Variants in MACF1 observed in about 807,000 individuals in gnomAD.
MACF1 encodes microtubule-actin cross-linking factor 1.
MACF1 carries 193 observed loss-of-function variants against 854.8 expected under a neutral mutation model. The observed-to-expected ratio is 0.23, with a 90% CI of 0.20 to 0.25. The LOEUF is 0.25. MACF1 is among the 10% of genes least tolerant of loss of function. The pLI, the probability that MACF1 is intolerant of heterozygous loss-of-function variation, is 1.00. For synonymous variants in MACF1, 3,185 were observed against 3,226.7 expected (o/e 0.99, Z 0.44); for missense variants, 7,722 against 8,929.1 (o/e 0.86, Z 5.45).
At chr1:39,382,218 A>T (rs932079376) in intron 56 of MACF1, 66 bp downstream of exon 56, 1 of 1,439,816 alleles carries the variant, frequency 6.9e-7, no homozygotes, top group African/African-American at 1.4e-5. Context: ...TCTCCCAGTA[A>T]GTAGATTTCA....
intron 58 of MACF1, chr1:39,414,222 T>C: frequency 1.2e-6 from 2 of 1,613,908 alleles, no homozygotes; most frequent in Non-Finnish European, 1.7e-6. Context: ...CAGAGGTGCC[T>C]GCCATCCCAG....
intron 2 of MACF1, among the ~76,000 whole-genome samples, chr1:39,097,141 T>A (rs902344225): frequency 6.6e-6 from 1 of 151,908 alleles, no homozygotes; most frequent in Admixed American, 6.6e-5. Flanking sequence ...CTTCCCAAAG[T>A]GCTGGGATTA....
chr1:39,214,811 C>T (rs1298820307), intron 1 of MACF1, among the ~76,000 whole-genome samples: 1 of 152,164 alleles, frequency 6.6e-6, no homozygotes, highest in Admixed American at 6.5e-5. Context: ...GAGACCTTCT[C>T]ATTTGGTTAA....
intron 1 of MACF1, among the ~76,000 whole-genome samples, chr1:39,208,650 A>G (rs1409934352): frequency 6.6e-6 from 1 of 151,852 alleles, no homozygotes; most frequent in African/African-American, 2.4e-5. Context: ...TTTGAGACAG[A>G]GTCTTGCCCT....
chr1:39,125,121 CAA>C (rs1177298273), intron 2 of MACF1, among the ~76,000 whole-genome samples: 2 of 151,676 alleles, frequency 1.3e-5, no homozygotes, highest in Admixed American at 6.6e-5. Flanking sequence ...CAAAAAAAGA[CAA>C]AAAATGAAAA....
intron 2 of MACF1, among the ~76,000 whole-genome samples, chr1:39,173,112 C>T (rs775488160): frequency 3.9e-5 from 6 of 152,028 alleles, no homozygotes; most frequent in African/African-American, 9.7e-5. Context: ...GAGGCCGAAG[C>T]GGGTGGATCA....
chr1:39,217,422 G>A (rs181203299), intron 1 of MACF1, among the ~76,000 whole-genome samples: 44 of 151,978 alleles, frequency 2.9e-4, no homozygotes, highest in South Asian at 2.1e-4. Context: ...TTACAGGCAC[G>A]CATCACCACA....
At chr1:39,381,398 T>C (rs866014920) in intron 55 of MACF1, among the ~76,000 whole-genome samples, 1 of 145,962 alleles carries the variant, frequency 6.9e-6, no homozygotes, top group African/African-American at 2.5e-5. Flanking sequence ...GACAGGGTCT[T>C]GCTCTGTCAC....
chr1:39,421,502 T>A (rs368926710), intron 58 of MACF1, among the ~76,000 whole-genome samples: 3 of 152,194 alleles, frequency 2.0e-5, no homozygotes, highest in East Asian at 3.9e-4. Flanking sequence ...TGGCTCTTGA[T>A]CAGAATGAAG....
At chr1:39,468,425 G>T (rs1204908604) in intron 95 of MACF1, among the ~76,000 whole-genome samples, 190 bp from the exon 96 acceptor site, 1 of 152,164 alleles carries the variant, frequency 6.6e-6, no homozygotes, top group Non-Finnish European at 1.5e-5. Flanking sequence ...CCAGTCTTTA[G>T]CTTGATATTT....
intron 91 of MACF1, chr1:39,459,766 C>G (rs1449875853): frequency 8.0e-7 from 1 of 1,255,080 alleles, no homozygotes; most frequent in Non-Finnish European, 1.1e-6. Flanking sequence ...TTCCTAGTTT[C>G]TAAAACAAGC....
intron 2 of MACF1, among the ~76,000 whole-genome samples, chr1:39,173,753 G>T (rs1206376626): frequency 3.9e-5 from 6 of 152,080 alleles, no homozygotes; most frequent in Non-Finnish European, 7.4e-5. Flanking sequence ...TTACTGAGTG[G>T]GATACAAGAG....
chr1:39,425,751 G>A (rs1247366361), intron 61 of MACF1, among the ~76,000 whole-genome samples: 3 of 151,974 alleles, frequency 2.0e-5, no homozygotes, highest in African/African-American at 7.3e-5. Context: ...CTCAATCATG[G>A]AATAATTTTT....
intron 30 of MACF1, 120 bp downstream of exon 30, chr1:39,318,735 T>C: frequency 8.9e-7 from 1 of 1,128,548 alleles, no homozygotes; most frequent in East Asian, 2.6e-5. Context: ...AAATTCCCTT[T>C]TCTTTGAGTG....
In MACF1 at chr1:39,268,968, G is replaced by T. The variant is rs768611605; in HGVS notation, c.528+10940G>T. ...TACCCCCCCAGATATTTTGCTGCCTGGGGACTCAGCCCCCAACTCACGGGT... is the reference window on the plus strand; with the variant it reads ...TACCCCCCCAGATATTTTGCTGCCTTGGGACTCAGCCCCCAACTCACGGGT... On this transcript the variant is annotated intron_variant, in intron 6 of 100. Transcript: ENST00000564288. The T allele has an allele frequency of 3.1e-6, 4 of 1,286,596 alleles. No homozygotes were observed. The South Asian group carries it at 5.0e-5, about 16-fold the overall frequency. 79.7% of individuals were successfully genotyped at this position (1,286,596 alleles called of 1,614,324 possible).
intron 44 of MACF1, among the ~76,000 whole-genome samples, chr1:39,354,407 T>C (rs951084830): frequency 1.3e-5 from 2 of 152,078 alleles, no homozygotes; most frequent in East Asian, 1.9e-4. Flanking sequence ...TTTATTTATT[T>C]ATTTATTTAT....
rs1042121811 is a variant in MACF1 at position 39,442,699 on chromosome 1, T to C, written c.19105-15T>C. ...ATATCCATAGAGATAAATTATGTTG[T>C]TCAACATGTTTTAGGTCCTAAAAAA... is the stretch of plus-strand genomic sequence containing the variant. On this transcript the variant is annotated splice_polypyrimidine_tract_variant and intron_variant, in intron 77 of 100. Transcript: ENST00000564288. The C allele has an allele frequency of 8.7e-6, 14 of 1,613,196 alleles. No homozygotes were observed.
At chr1:39,234,809 G>T (rs1644837874) in intron 2 of MACF1, among the ~76,000 whole-genome samples, 1 of 91,094 alleles carries the variant, frequency 1.1e-5, no homozygotes, top group African/African-American at 3.1e-5. Context: ...GGGCAGAGAT[G>T]CTCCTCACCT....
At chr1:39,453,879 A>G (rs747605854) in intron 88 of MACF1, 29 bp downstream of exon 88, 1 of 1,613,046 alleles carries the variant, frequency 6.2e-7, no homozygotes, top group South Asian at 1.1e-5. Context: ...GGAGGACTGC[A>G]CACGCCCAGT....
Sources: allele counts gnomAD v4.1 joint callset (sites outside exome capture counted in the v4.1 genomes callset), GRCh38; gene constraint gnomAD v4.1.1; transcripts MANE v1.5; gene names NCBI Gene and HGNC (gene_info 2026-07-23, HGNC 2026-07-21).